MED31: variants seen among roughly 807,000 people sequenced by gnomAD.
The protein encoded by MED31 is mediator complex subunit 31, also known as mediator of RNA polymerase II transcription subunit 31.
Under a neutral mutation model 22.0 loss-of-function variants are expected in MED31, and 11 were observed. The observed-to-expected ratio is 0.50, with a 90% CI of 0.31 to 0.83. The LOEUF (loss-of-function observed/expected upper bound fraction) is 0.83. Ranked by LOEUF, MED31 falls within the 40% of genes least tolerant of loss-of-function variation. The pLI, the probability that MED31 is intolerant of heterozygous loss-of-function variation, is 0.04. For missense variants in MED31, 122 were observed against 155.3 expected, an observed-to-expected ratio of 0.79 and a Z score of 1.14; for synonymous variants, 60 against 55.1, an observed-to-expected ratio of 1.09 and a Z score of -0.40.
At chr17:6,648,293 C>CA (rs1217069649) in intron 3 of MED31, among the ~76,000 whole-genome samples, 1 of 152,244 alleles carries the variant, frequency 6.6e-6, no homozygotes, top group Non-Finnish European at 1.5e-5. Flanking sequence ...GAGGGAACCT[C>CA]AACTCATGAG....
intron 1 of MED31, 102 bp from the exon 2 acceptor site, chr17:6,650,535 G>A: frequency 9.6e-7 from 1 of 1,042,230 alleles, no homozygotes; most frequent in Admixed American, 2.3e-5. Flanking sequence ...CTAATGTTGA[G>A]ATGGTCTTCC....
At chr17:6,651,429 A>T in intron 1 of MED31, 72 bp downstream of exon 1, 1 of 1,594,908 alleles carries the variant, frequency 6.3e-7, no homozygotes, top group Non-Finnish European at 8.6e-7. Context: ...GCCTGGAAGG[A>T]GGCCACGGGG....
intron 3 of MED31, among the ~76,000 whole-genome samples, chr17:6,645,831 G>C (rs554277343): frequency 1.2e-3 from 187 of 152,246 alleles, no homozygotes; most frequent in African/African-American, 4.4e-3. Flanking sequence ...ATCTTCAAAA[G>C]ATGCTAAAAC....
chr17:6,651,201 T>C (rs1177895600), intron 1 of MED31: 1 of 293,174 alleles, frequency 3.4e-6, no homozygotes, highest in East Asian at 5.8e-5. Context: ...GGCAAGCTCA[T>C]GTGAGAAGCA....
At chr17:6,650,708 G>A (rs1032292822) in intron 1 of MED31, among the ~76,000 whole-genome samples, 1 of 152,168 alleles carries the variant, frequency 6.6e-6, no homozygotes, top group Non-Finnish European at 1.5e-5. Flanking sequence ...CCACTATGTA[G>A]GAATTTTAAC....
chr17:6,650,384 T>C lies in MED31; in HGVS notation c.78A>G (p.Gln26=). The C allele has an allele frequency of 6.2e-7, 1 of 1,614,134 alleles. No homozygotes were observed. The highest frequency in any genetic ancestry group is 8.5e-7 in the Non-Finnish European group (1 of 1,179,998). The change falls in exon 2 of 4, where the codon CAA becomes CAG. Residue 26 remains glutamine, a synonymous_variant. Transcript: ENST00000225728. ...TAAGGTAATTTGGGTTGGCTAAACA[T>C]TGCACAAATTCCAACTCCAACTGAA... is the stretch of plus-strand genomic sequence containing the variant. ...LRFQLELEFV[Q]CLANPNYLNF...
chr17:6,644,379 TAGGA>T lies in MED31; in HGVS notation c.*84_*87del. The T allele has an allele frequency of 2.8e-6, 4 of 1,425,534 alleles. No homozygotes were observed. The highest frequency in any genetic ancestry group is 3.2e-5 in the South Asian group (2 of 62,464). 88.3% of individuals were successfully genotyped at this position (1,425,534 alleles called of 1,614,324 possible). A position where few individuals can be genotyped will look rare whatever the true frequency, so the allele number is the denominator to read the frequency against. On this transcript the variant is annotated 3_prime_UTR_variant, in exon 4 of 4. Coordinates refer to ENST00000225728, the MANE Select transcript of MED31 (RefSeq NM_016060.3). Reference sequence around the variant, plus strand: ...TAGGGGCTACCATAATAAAGGTAGATAGGAAGAGTTTTCATTTTTTTTGTCTTCA... The same window carrying T: ...TAGGGGCTACCATAATAAAGGTAGATAGAGTTTTCATTTTTTTTGTCTTCA...
At chr17:6,646,431 G>A (rs537546783) in intron 3 of MED31, among the ~76,000 whole-genome samples, 1 of 152,300 alleles carries the variant, frequency 6.6e-6, no homozygotes, top group Non-Finnish European at 1.5e-5. Context: ...AGAAAAGGAA[G>A]ACATAAGAAA....
chr17:6,643,935 T>A lies in MED31; in HGVS notation c.*532A>T. The A allele has an allele frequency of 2.5e-6, 1 of 394,668 alleles. No individual in the cohort carries two copies. Among genetic ancestry groups the A allele is most frequent in the Admixed American group, 4.4e-5 (1 of 22,636 alleles). The allele number at this position is 394,668 out of a possible 1,614,324, so 24.4% of individuals were successfully genotyped here. ...TGATTCAGTGATTCTTAAAGCCACC[T>A]TGCAAAGCAGGTAATACAGTTATTT... On this transcript the variant is annotated 3_prime_UTR_variant, in exon 4 of 4. Coordinates refer to ENST00000225728, the MANE Select transcript of MED31 (RefSeq NM_016060.3).
intron 1 of MED31, among the ~76,000 whole-genome samples, chr17:6,651,134 A>AAAAAAAAAAAAAAAAAAAAAT (rs1266489995): frequency 6.7e-6 from 1 of 149,428 alleles, no homozygotes; most frequent in African/African-American, 2.5e-5. Flanking sequence ...AAAAAAAAAA[A>AAAAAAAAAAAAAAAAAAAAAT]AAAGAAGCAC....
intron 3 of MED31, among the ~76,000 whole-genome samples, chr17:6,645,508 G>A (rs992517886): frequency 6.6e-6 from 1 of 152,150 alleles, no homozygotes; most frequent in Admixed American, 6.6e-5. Context: ...AGTACAAGAT[G>A]AGCCTGGAAC....
rs567138976 is a variant in MED31 at position 6,651,573 on chromosome 17, G to T, written c.-45C>A. 1.2e-6 allele frequency: 2 copies of T among 1,612,942 alleles called. No individual in the cohort carries two copies. The highest frequency in any genetic ancestry group is 1.7e-5 in the Admixed American group (1 of 59,750). ...ACGCCACCAGCCTGACAGAGCAAAAGCCCAGAGACGCGGGCGAAGTTCCGG... is the reference window on the plus strand; with the variant it reads ...ACGCCACCAGCCTGACAGAGCAAAATCCCAGAGACGCGGGCGAAGTTCCGG... On this transcript the variant is annotated 5_prime_UTR_variant, in exon 1 of 4. Transcript: ENST00000225728.
intron 3 of MED31, among the ~76,000 whole-genome samples, chr17:6,645,536 G>C (rs1305941645): frequency 6.6e-6 from 1 of 152,136 alleles, no homozygotes; most frequent in East Asian, 1.9e-4. Context: ...AGTGCCAGAA[G>C]AAAAAGTGCT....
intron 3 of MED31, among the ~76,000 whole-genome samples, chr17:6,645,655 TCTA>T (rs1473871630): frequency 1.3e-5 from 2 of 152,178 alleles, no homozygotes; most frequent in East Asian, 1.9e-4. Flanking sequence ...AATTCATAAT[TCTA>T]CTAAAAATAA....
At chr17:6,651,427 G>A in intron 1 of MED31, 74 bp downstream of exon 1, 1 of 1,586,716 alleles carries the variant, frequency 6.3e-7, no homozygotes, top group Non-Finnish European at 8.6e-7. Flanking sequence ...AGGCCTGGAA[G>A]GAGGCCACGG....
In MED31 at chr17:6,651,605, C is replaced by A; in HGVS notation, c.-77G>T. 1.2e-6 allele frequency: 2 copies of A among 1,603,300 alleles called. No individual in the cohort carries two copies. The highest frequency in any genetic ancestry group is 1.7e-6 in the Non-Finnish European group (2 of 1,174,748). On this transcript the variant is annotated 5_prime_UTR_variant, in exon 1 of 4. Transcript: ENST00000225728. ...GACGCGGGCGAAGTTCCGGAAACCACGGCTCCCTCTTCCGGTCCCGGGGCA... is the reference window on the plus strand; with the variant it reads ...GACGCGGGCGAAGTTCCGGAAACCAAGGCTCCCTCTTCCGGTCCCGGGGCA...
At chr17:6,646,212 A>G (rs1972765142) in intron 3 of MED31, among the ~76,000 whole-genome samples, 3 of 152,236 alleles carry the variant, frequency 2.0e-5, no homozygotes, top group Admixed American at 2.0e-4. Flanking sequence ...AGGTAATAAT[A>G]TTAATGTGCT....
chr17:6,645,850 T>G (rs1291319824), intron 3 of MED31, among the ~76,000 whole-genome samples: 1 of 152,060 alleles, frequency 6.6e-6, no homozygotes. Flanking sequence ...ACAGGCAAAA[T>G]ACATGTAATA....
intron 3 of MED31, among the ~76,000 whole-genome samples, chr17:6,649,224 GT>G (rs755180757): frequency 7.5e-4 from 43 of 57,014 alleles, no homozygotes; most frequent in Admixed American, 7.4e-4. Flanking sequence ...TGTTTTTTTT[GT>G]TTTTTTTTTT....
Sources: allele counts gnomAD v4.1 joint callset (sites outside exome capture counted in the v4.1 genomes callset), GRCh38; gene constraint gnomAD v4.1.1; transcripts MANE v1.5; gene names NCBI Gene and HGNC (gene_info 2026-07-23, HGNC 2026-07-21).